Variants in MIPOL1 observed in about 807,000 individuals in gnomAD.
The protein encoded by MIPOL1 is mirror-image polydactyly gene 1 protein.
Under a neutral mutation model 60.9 loss-of-function variants are expected in MIPOL1, and 57 were observed. The observed-to-expected ratio is 0.94, with a 90% CI of 0.76 to 1.17. MIPOL1 has a LOEUF of 1.17. MIPOL1 is among the 50% of genes most tolerant of loss of function. The probability of loss-of-function intolerance (pLI) is 0.00; values close to 1 mark genes in which losing one functional copy is unlikely to be tolerated. For missense variants in MIPOL1, 551 were observed against 511.6 expected (o/e 1.08, Z -0.74); for synonymous variants, 179 against 168.8 (o/e 1.06, Z -0.47).
At chr14:37,530,911 G>A (rs902335283) in intron 12 of MIPOL1, among the ~76,000 whole-genome samples, 1 of 151,302 alleles carries the variant, frequency 6.6e-6, no homozygotes, top group Non-Finnish European at 1.5e-5. Flanking sequence ...TCCGCCTCCC[G>A]AGTTCAAGCA....
At chr14:37,318,621 A>G (rs1361949923) in intron 9 of MIPOL1, among the ~76,000 whole-genome samples, 1 of 138,776 alleles carries the variant, frequency 7.2e-6, no homozygotes, top group Non-Finnish European at 1.5e-5. Context: ...ATAACTTTAG[A>G]AAGTACAGAT....
intron 7 of MIPOL1, among the ~76,000 whole-genome samples, chr14:37,291,407 G>A (rs1054438536): frequency 6.6e-6 from 1 of 151,472 alleles, no homozygotes; most frequent in Non-Finnish European, 1.5e-5. Flanking sequence ...AATTGTCATT[G>A]TTCTTTTCCA....
chr14:37,236,181 CT>C (rs1034094260), intron 1 of MIPOL1, among the ~76,000 whole-genome samples: 3 of 152,104 alleles, frequency 2.0e-5, no homozygotes, highest in African/African-American at 7.2e-5. Context: ...CCACCTTGGC[CT>C]CCCAAACTGC....
At chr14:37,280,172 G>A (rs1456508439) in intron 6 of MIPOL1, among the ~76,000 whole-genome samples, 1 of 151,864 alleles carries the variant, frequency 6.6e-6, no homozygotes, top group Non-Finnish European at 1.5e-5. Flanking sequence ...AGCTTTTAAA[G>A]GCTGTATTGT....
At chr14:37,514,863 G>T (rs1278459259) in intron 12 of MIPOL1, among the ~76,000 whole-genome samples, 2 of 151,994 alleles carry the variant, frequency 1.3e-5, no homozygotes, top group Non-Finnish European at 2.9e-5. Flanking sequence ...TTTCACAGTT[G>T]TGCAGCTATC....
At position 37,540,358 on chromosome 14, in the gene MIPOL1, C is replaced by A. The variant is rs541933295; in HGVS notation, c.1263-6547C>A. Among the ~76,000 whole-genome samples the A allele has an allele frequency of 2.6e-5, 4 of 152,224 alleles. No individual in the cohort carries two copies. In the South Asian group the frequency reaches 8.3e-4, roughly 32 times the overall value. ...TTTTTTTATATTCCCTGATGTCTTA[C>A]ATGTACTTTTGTGAGCATATTTGTG... is the stretch of plus-strand genomic sequence containing the variant. On this transcript the variant is annotated intron_variant, in intron 12 of 12. Transcript: ENST00000684589.
chr14:37,388,440 C>G (rs929346412), intron 10 of MIPOL1, among the ~76,000 whole-genome samples: 1 of 150,988 alleles, frequency 6.6e-6, no homozygotes, highest in Non-Finnish European at 1.5e-5. Flanking sequence ...TTGAAAAGAC[C>G]AAGGACAGGG....
Position 37,238,003 on chromosome 14 carries a change from A to G in MIPOL1, c.-198-9100A>G, listed in dbSNP as rs181165325. 1.4e-4 allele frequency among the ~76,000 whole-genome samples: 22 copies of G among 152,132 alleles called. No individual in the cohort carries two copies. The East Asian group carries it at 1.7e-3, about 12-fold the overall frequency. On this transcript the variant is annotated intron_variant, in intron 1 of 12. Coordinates refer to ENST00000684589, the MANE Select transcript of MIPOL1 (RefSeq NM_001388067.1). The stretch of plus-strand genomic sequence containing the variant: ...TCTCTTAGACACAGAGTCTCAGTCT[A>G]TTACCCAGGCTGGAGTACAATAGCG...
chr14:37,344,741 A>T (rs1385403825), intron 9 of MIPOL1, among the ~76,000 whole-genome samples: 1 of 152,188 alleles, frequency 6.6e-6, no homozygotes, highest in Non-Finnish European at 1.5e-5. Context: ...TTTATATATA[A>T]AGAGTGAGCC....
At chr14:37,248,975 AGGAT>A (rs3061903) in intron 3 of MIPOL1, among the ~76,000 whole-genome samples, 8,097 of 149,468 alleles carry the variant, frequency 0.054, 376 homozygotes, top group Admixed American at 0.1. Context: ...AACAAATGGA[AGGAT>A]GGATGGATGG....
rs573486957 is a variant in MIPOL1 at position 37,269,889 on chromosome 14, G to A, written c.388-531G>A. ...GTTGCCCAGGCTGGAGTTCAATGGC[G>A]CGATCTCAGCCCACTGCAATCTCCG... is the stretch of plus-strand genomic sequence containing the variant. On this transcript the variant is annotated intron_variant, in intron 5 of 12. Transcript: ENST00000684589. Among the ~76,000 whole-genome samples, 7 of 151,988 alleles carry A rather than the reference G, an allele frequency of 4.6e-5. No homozygotes were observed. In the East Asian group the frequency reaches 5.8e-4, roughly 13 times the overall value.
At chr14:37,369,813 T>A in intron 10 of MIPOL1, 189 bp downstream of exon 10, 1 of 334,534 alleles carries the variant, frequency 3.0e-6, no homozygotes. Flanking sequence ...TATGTGTACG[T>A]GAAAACAACA....
chr14:37,386,701 C>T (rs1029421963), intron 10 of MIPOL1, among the ~76,000 whole-genome samples: 4 of 151,908 alleles, frequency 2.6e-5, no homozygotes, highest in Admixed American at 6.6e-5. Context: ...GTTGCTTAGA[C>T]AGTTGTTAAT....
At chr14:37,202,984 A>G (rs550325579) in intron 1 of MIPOL1, among the ~76,000 whole-genome samples, 6 of 152,282 alleles carry the variant, frequency 3.9e-5, no homozygotes, top group African/African-American at 1.2e-4. Context: ...ACGTCCAGCT[A>G]CCTGGGACTG....
At chr14:37,330,602 C>G (rs1231061987) in intron 9 of MIPOL1, among the ~76,000 whole-genome samples, 1 of 151,942 alleles carries the variant, frequency 6.6e-6, no homozygotes. Flanking sequence ...GCTATCCCAG[C>G]AGGTTGAGAT....
chr14:37,478,085 C>T (rs1566676777), intron 11 of MIPOL1, among the ~76,000 whole-genome samples: 1 of 152,164 alleles, frequency 6.6e-6, no homozygotes, highest in Admixed American at 6.5e-5. Context: ...AAATGTCTTG[C>T]AAAAGAGTAT....
intron 10 of MIPOL1, among the ~76,000 whole-genome samples, chr14:37,396,245 C>T (rs1456773932): frequency 6.6e-6 from 1 of 152,030 alleles, no homozygotes; most frequent in Non-Finnish European, 1.5e-5. Context: ...TTTAGTTTTG[C>T]TGGATACAAA....
intron 3 of MIPOL1, among the ~76,000 whole-genome samples, chr14:37,257,055 C>A (rs1975055213): frequency 7.1e-6 from 1 of 141,554 alleles, no homozygotes; most frequent in Admixed American, 7.1e-5. Flanking sequence ...CTTTTCCTTT[C>A]ATGTTTTTCT....
At chr14:37,398,945 A>G (rs1380088243) in intron 10 of MIPOL1, among the ~76,000 whole-genome samples, 2 of 152,196 alleles carry the variant, frequency 1.3e-5, no homozygotes, top group African/African-American at 2.4e-5. Flanking sequence ...CAAGATGATA[A>G]TGTGAAACCT....
Sources: gnomAD v4.1 joint callset for allele counts (sites outside exome capture counted in the v4.1 genomes callset) on GRCh38, gnomAD v4.1.1 for gene constraint, MANE v1.5 for transcripts, NCBI Gene and HGNC (gene_info 2026-07-23, HGNC 2026-07-21) for gene names.